Variants in OTUD7A observed in about 807,000 individuals in gnomAD.
OTUD7A encodes the protein OTU deubiquitinase 7A, also known as OTU domain-containing protein 7A.
In OTUD7A, 12 loss-of-function variants were observed where a neutral mutation model predicts 65.7. The observed-to-expected ratio is 0.18, with a 90% CI of 0.12 to 0.30. The LOEUF (loss-of-function observed/expected upper bound fraction) is 0.30, where lower values mean the gene tolerates loss of function less well. Among genes scored for constraint, OTUD7A ranks in the 10% least tolerant of loss-of-function variants. The pLI, the probability that OTUD7A is intolerant of heterozygous loss-of-function variation, is 1.00. For missense variants in OTUD7A, 1,148 were observed against 1,304.8 expected, an observed-to-expected ratio of 0.88 and a Z score of 1.85; for synonymous variants, 641 against 586.3, an observed-to-expected ratio of 1.09 and a Z score of -1.35.
At chr15:31,848,780 G>A (rs895439305) in intron 1 of OTUD7A, among the ~76,000 whole-genome samples, 1 of 152,164 alleles carries the variant, frequency 6.6e-6, no homozygotes, top group Non-Finnish European at 1.5e-5. Flanking sequence ...TTCCTGGAGG[G>A]GCCCACATTG....
intron 5 of OTUD7A, among the ~76,000 whole-genome samples, chr15:31,531,052 T>C (rs1317172319): frequency 6.6e-6 from 1 of 152,200 alleles, no homozygotes; most frequent in African/African-American, 2.4e-5. Context: ...GCACCTTCTC[T>C]CCTTGAATCT....
intron 1 of OTUD7A, among the ~76,000 whole-genome samples, chr15:31,864,441 A>G (rs1308886934): frequency 6.6e-6 from 1 of 152,206 alleles, no homozygotes; most frequent in Non-Finnish European, 1.5e-5. Flanking sequence ...GAATTACGGC[A>G]GGGAGCGAAA....
At chr15:31,780,181 T>C (rs1173484570) in intron 1 of OTUD7A, among the ~76,000 whole-genome samples, 2 of 152,146 alleles carry the variant, frequency 1.3e-5, no homozygotes, top group Non-Finnish European at 2.9e-5. Context: ...AAAGCAGCCA[T>C]GCATCAATTT....
At chr15:31,573,870 C>T (rs1040933458) in intron 3 of OTUD7A, among the ~76,000 whole-genome samples, 2 of 152,146 alleles carry the variant, frequency 1.3e-5, no homozygotes, top group African/African-American at 4.8e-5. Context: ...CACTGCATGC[C>T]AGCCTGGGCG....
intron 1 of OTUD7A, among the ~76,000 whole-genome samples, chr15:31,862,036 T>C (rs1014716883): frequency 2.0e-5 from 3 of 152,128 alleles, no homozygotes; most frequent in East Asian, 1.9e-4. Context: ...GTGCAGACCC[T>C]AGCCTGGTGT....
At chr15:31,757,745 A>T (rs1595749606) in intron 1 of OTUD7A, among the ~76,000 whole-genome samples, 1 of 152,330 alleles carries the variant, frequency 6.6e-6, no homozygotes. Flanking sequence ...ATCTGGACAA[A>T]GCAGTTTATA....
rs559087421 is a variant in OTUD7A at position 31,842,690 on chromosome 15, T to C, written c.-100+27817A>G. ...CTCCAAATTTACTGTGACTCACCTG[T>C]GATCTCCTCAAAACTGTGACAAAAC... is the stretch of plus-strand genomic sequence containing the variant. On this transcript the variant is annotated intron_variant, in intron 1 of 12. Coordinates refer to ENST00000307050, the MANE Select transcript of OTUD7A (RefSeq NM_001382637.1). 4.6e-5 allele frequency among the ~76,000 whole-genome samples: 7 copies of C among 152,308 alleles called. No individual in the cohort carries two copies. In the South Asian group the frequency reaches 1.2e-3, roughly 27 times the overall value.
rs2041179723 is a variant in OTUD7A at position 31,483,806 on chromosome 15, G to C, written c.2290C>G (p.Pro764Ala). Residue 764 changes from proline to alanine, a missense_variant, in exon 13 of 13, where the codon CCA becomes GCA. Coordinates refer to ENST00000307050, the MANE Select transcript of OTUD7A (RefSeq NM_001382637.1). ...GGARRASASG[P>A]VPGRSPPAPA... Reference sequence around the variant, plus strand: ...GCCGGGGGGCTGCGGCCAGGCACTGGTCCGCTGGCGCTCGCACGCCGCGCG... The same window carrying C: ...GCCGGGGGGCTGCGGCCAGGCACTGCTCCGCTGGCGCTCGCACGCCGCGCG... 5 of 1,008,370 alleles carry C rather than the reference G, an allele frequency of 5.0e-6. No individual in the cohort carries two copies. The highest frequency in any genetic ancestry group is 4.5e-5 in the South Asian group (1 of 22,234). 62.5% of individuals were successfully genotyped at this position (1,008,370 alleles called of 1,614,324 possible). A position where few individuals can be genotyped will look rare whatever the true frequency, so the allele number is the denominator to read the frequency against.
intron 10 of OTUD7A, among the ~76,000 whole-genome samples, chr15:31,493,957 G>A (rs2041351428): frequency 6.6e-6 from 1 of 152,182 alleles, no homozygotes; most frequent in South Asian, 2.1e-4. Flanking sequence ...TAGAAAAGGG[G>A]TAGCAAATTA....
intron 3 of OTUD7A, among the ~76,000 whole-genome samples, chr15:31,618,861 C>T (rs1206652803): frequency 6.6e-6 from 1 of 152,144 alleles, no homozygotes; most frequent in Non-Finnish European, 1.5e-5. Flanking sequence ...TGCCTATGTC[C>T]TGAATGGTAT....
intron 1 of OTUD7A, among the ~76,000 whole-genome samples, chr15:31,769,951 T>C (rs1201383576): frequency 6.6e-6 from 1 of 152,140 alleles, no homozygotes; most frequent in African/African-American, 2.4e-5. Context: ...AAAGTCAATT[T>C]TGCGGTATGC....
At chr15:31,610,607 A>ATTTTTTTT (rs1395271113) in intron 3 of OTUD7A, among the ~76,000 whole-genome samples, 25 of 39,532 alleles carry the variant, frequency 6.3e-4, no homozygotes, top group Non-Finnish European at 9.7e-4. Context: ...ATATATATAT[A>ATTTTTTTT]TATATATATA....
chr15:31,761,837 G>T (rs1894973003), intron 1 of OTUD7A, among the ~76,000 whole-genome samples: 1 of 152,174 alleles, frequency 6.6e-6, no homozygotes, highest in Admixed American at 6.5e-5. Context: ...GAAAAGGAAG[G>T]AAGTACTGGT....
At chr15:31,778,512 T>TATTG (rs1454640745) in intron 1 of OTUD7A, among the ~76,000 whole-genome samples, 1 of 152,204 alleles carries the variant, frequency 6.6e-6, no homozygotes, top group Non-Finnish European at 1.5e-5. Context: ...CTACATACAA[T>TATTG]GCACACAGTG....
At chr15:31,512,227 T>C (rs934554546) in intron 8 of OTUD7A, among the ~76,000 whole-genome samples, 1 of 152,188 alleles carries the variant, frequency 6.6e-6, no homozygotes, top group African/African-American at 2.4e-5. Context: ...GAATTGTTTT[T>C]TTTTTGCATT....
intron 1 of OTUD7A, among the ~76,000 whole-genome samples, chr15:31,716,677 T>C (rs1253189685): frequency 7.2e-6 from 1 of 138,054 alleles, no homozygotes; most frequent in African/African-American, 2.5e-5. Context: ...GCATGGAACC[T>C]GGCCTATCAA....
chr15:31,664,340 T>C lies in OTUD7A; in HGVS notation c.-99-7263A>G, dbSNP rs531979340. Among the ~76,000 whole-genome samples, 9 of 150,050 alleles carry C rather than the reference T, an allele frequency of 6.0e-5. No individual in the cohort carries two copies. The South Asian group carries it at 1.7e-3, about 28-fold the overall frequency. On this transcript the variant is annotated intron_variant, in intron 1 of 12. Transcript: ENST00000307050. The stretch of plus-strand genomic sequence containing the variant: ...GCCAACATCTACTGTTTGTTGATTT[T>C]TTTTTTTTATTACGGCCATTCTTGC...
chr15:31,574,959 A>T (rs1287461348), intron 3 of OTUD7A, among the ~76,000 whole-genome samples: 1 of 152,060 alleles, frequency 6.6e-6, no homozygotes, highest in East Asian at 1.9e-4. Flanking sequence ...ACCCTCAACC[A>T]GCTTAGCCTG....
chr15:31,565,640 G>A (rs1888843948), intron 4 of OTUD7A, among the ~76,000 whole-genome samples: 1 of 152,146 alleles, frequency 6.6e-6, no homozygotes, highest in Non-Finnish European at 1.5e-5. Context: ...GCAATAGAAG[G>A]TGAGGGTGAG....
Sources: allele counts gnomAD v4.1 joint callset (sites outside exome capture counted in the v4.1 genomes callset), GRCh38; gene constraint gnomAD v4.1.1; transcripts MANE v1.5; gene names NCBI Gene and HGNC (gene_info 2026-07-23, HGNC 2026-07-21).